The following RNFT2 variants were observed in gnomAD, a reference collection of about 807,000 sequenced individuals.
RNFT2 encodes E3 ubiquitin-protein ligase RNFT2.
Under a neutral mutation model 53.0 loss-of-function variants are expected in RNFT2, and 36 were observed. The observed-to-expected ratio is 0.68, with a 90% CI of 0.52 to 0.90. The LOEUF (loss-of-function observed/expected upper bound fraction) is 0.90. Ranked by LOEUF, RNFT2 falls within the 40% of genes least tolerant of loss-of-function variation. RNFT2 has a pLI of 0.00. For missense variants in RNFT2, 514 were observed against 585.6 expected (o/e 0.88, Z 1.26); for synonymous variants, 260 against 253.2 (o/e 1.03, Z -0.26).
chr12:116,750,904 ATATATTT>A (rs1566069623), intron 4 of RNFT2, among the ~76,000 whole-genome samples: 3,621 of 41,574 alleles, frequency 0.087, 156 homozygotes, highest in Non-Finnish European at 0.12. Flanking sequence ...ATATATATAT[ATATATTT>A]TTTTTTGAGA....
intron 1 of RNFT2, 151 bp downstream of exon 1, chr12:116,738,521 C>G (rs1388752150): frequency 6.6e-6 from 1 of 152,178 alleles, no homozygotes; most frequent in Non-Finnish European, 1.5e-5. Flanking sequence ...CTGCCGGCTT[C>G]CAGTCCAAGT....
chr12:116,846,843 A>G (rs944735430), intron 10 of RNFT2, among the ~76,000 whole-genome samples: 1 of 151,054 alleles, frequency 6.6e-6, no homozygotes, highest in African/African-American at 2.4e-5. Flanking sequence ...TTCAGTGTGC[A>G]TCTCCCAGGA....
At chr12:116,825,573 G>C (rs1427705751) in intron 7 of RNFT2, among the ~76,000 whole-genome samples, 1 of 152,182 alleles carries the variant, frequency 6.6e-6, no homozygotes, top group Non-Finnish European at 1.5e-5. Context: ...TGACATGTGA[G>C]AGCCAATGGT....
intron 10 of RNFT2, among the ~76,000 whole-genome samples, chr12:116,841,158 A>G (rs1301823997): frequency 6.6e-6 from 1 of 152,178 alleles, no homozygotes; most frequent in African/African-American, 2.4e-5. Context: ...ACGGGTCAAG[A>G]ATCCAGGCAC....
intron 7 of RNFT2, among the ~76,000 whole-genome samples, chr12:116,785,207 C>T (rs933719670): frequency 6.6e-6 from 1 of 150,684 alleles, no homozygotes; most frequent in African/African-American, 2.4e-5. Flanking sequence ...TTCTAGATCC[C>T]CCTAAGTCCA....
intron 7 of RNFT2, among the ~76,000 whole-genome samples, chr12:116,813,824 G>A (rs1875505242): frequency 6.6e-6 from 1 of 152,202 alleles, no homozygotes; most frequent in African/African-American, 2.4e-5. Flanking sequence ...AGTCAAGCAG[G>A]TTCCATTCCC....
intron 7 of RNFT2, among the ~76,000 whole-genome samples, chr12:116,808,098 G>A (rs1293026934): frequency 6.6e-6 from 1 of 152,030 alleles, no homozygotes; most frequent in Non-Finnish European, 1.5e-5. Context: ...CAAATAACTG[G>A]GATTACAGGC....
At chr12:116,821,417 C>T (rs1169050606) in intron 7 of RNFT2, among the ~76,000 whole-genome samples, 2 of 152,234 alleles carry the variant, frequency 1.3e-5, no homozygotes, top group African/African-American at 4.8e-5. Flanking sequence ...TTCAAGCCTC[C>T]AGGTCGGTGC....
intron 3 of RNFT2, among the ~76,000 whole-genome samples, chr12:116,743,874 A>T (rs79545559): frequency 1.3e-5 from 2 of 152,204 alleles, no homozygotes; most frequent in South Asian, 4.2e-4. Context: ...ACTTTGATAC[A>T]TGACTTCACC....
At chr12:116,795,679 T>G (rs1465774165) in intron 7 of RNFT2, among the ~76,000 whole-genome samples, 1 of 152,268 alleles carries the variant, frequency 6.6e-6, no homozygotes, top group East Asian at 1.9e-4. Flanking sequence ...GGACAAAGTT[T>G]AATTCAGCTT....
In RNFT2 at chr12:116,850,638, G is replaced by A. The variant is rs200752325; in HGVS notation, c.*1190G>A. 1 of 44,542 alleles carries A rather than the reference G, an allele frequency of 2.2e-5. No homozygotes were observed. Among genetic ancestry groups the A allele is most frequent in the Admixed American group, 2.2e-4 (1 of 4,636 alleles). 2.8% of individuals were successfully genotyped at this position (44,542 alleles called of 1,614,324 possible). ...TTCTTTTCTTTTTTTTTTTTTTTTT[G>A]TTGTTGTGAGACAGAGTCTTGCTCT... is the stretch of plus-strand genomic sequence containing the variant. On this transcript the variant is annotated 3_prime_UTR_variant, in exon 11 of 11. Coordinates refer to ENST00000257575, the MANE Select transcript of RNFT2 (RefSeq NM_001382266.1).
intron 7 of RNFT2, among the ~76,000 whole-genome samples, chr12:116,819,376 G>A (rs1045309372): frequency 2.0e-5 from 3 of 152,114 alleles, no homozygotes; most frequent in African/African-American, 7.2e-5. Context: ...CAGACCCGGA[G>A]CCGGCGGCGC....
intron 7 of RNFT2, among the ~76,000 whole-genome samples, chr12:116,786,544 A>AT (rs60336521): frequency 0.1 from 15,806 of 152,034 alleles, 2,333 homozygotes; most frequent in African/African-American, 0.33. Flanking sequence ...AAGGCATTTG[A>AT]GGTTACTCAT....
intron 7 of RNFT2, among the ~76,000 whole-genome samples, chr12:116,793,748 C>T (rs1874359014): frequency 6.6e-6 from 1 of 152,202 alleles, no homozygotes; most frequent in Admixed American, 6.5e-5. Context: ...TCCAATGTCA[C>T]CACCTCTGGA....
chr12:116,745,827 G>C (rs929923959), intron 3 of RNFT2, among the ~76,000 whole-genome samples: 26 of 152,174 alleles, frequency 1.7e-4, no homozygotes, highest in African/African-American at 5.8e-4. Flanking sequence ...AGTGCCAGGT[G>C]CATTGTGCCG....
chr12:116,848,615 G>A lies in RNFT2; in HGVS notation c.1201-699G>A, dbSNP rs910310840. ...CTATCCTCTCCTTCCTGTTCCTCCC[G>A]CACATCAAACACAGTCCAGCCTCAG... On this transcript the variant is annotated intron_variant, in intron 10 of 10. Coordinates refer to ENST00000257575, the MANE Select transcript of RNFT2 (RefSeq NM_001382266.1). Among the ~76,000 whole-genome samples, 5 of 151,788 alleles carry A rather than the reference G, an allele frequency of 3.3e-5. No homozygotes were observed. The East Asian group carries it at 5.8e-4, about 18-fold the overall frequency.
chr12:116,852,104 C>A lies in RNFT2; in HGVS notation c.*2656C>A. On this transcript the variant is annotated 3_prime_UTR_variant, in exon 11 of 11. Coordinates refer to ENST00000257575, the MANE Select transcript of RNFT2 (RefSeq NM_001382266.1). ...CTCTGAAATCTGGCATGAGATGGCA[C>A]AGGTGACCACGCAGAAGCCACCAGA... is the stretch of plus-strand genomic sequence containing the variant. 2.0e-6 allele frequency: 2 copies of A among 1,000,702 alleles called. No homozygotes were observed. Among genetic ancestry groups the A allele is most frequent in the East Asian group, 2.7e-5 (1 of 37,458 alleles). 62.0% of individuals were successfully genotyped at this position (1,000,702 alleles called of 1,614,324 possible).
intron 7 of RNFT2, among the ~76,000 whole-genome samples, chr12:116,830,787 C>A (rs974691375): frequency 6.6e-6 from 1 of 151,556 alleles, no homozygotes; most frequent in Non-Finnish European, 1.5e-5. Context: ...GTGTGTAATC[C>A]CAGTTACTTG....
chr12:116,841,855 A>ATAGAGAAAGAGAGAGAG (rs1565876093), intron 10 of RNFT2, among the ~76,000 whole-genome samples: 2 of 24,534 alleles, frequency 8.2e-5, no homozygotes, highest in Non-Finnish European at 1.9e-4. Context: ...AAATATATAT[A>ATAGAGAAAGAGAGAGAG]AAAATATATA....
Sources: gnomAD v4.1 joint callset for allele counts (sites outside exome capture counted in the v4.1 genomes callset) on GRCh38, gnomAD v4.1.1 for gene constraint, MANE v1.5 for transcripts, NCBI Gene and HGNC (gene_info 2026-07-23, HGNC 2026-07-21) for gene names.